Variants in NRG1 observed in about 807,000 individuals in gnomAD.
The protein encoded by NRG1 is neuregulin 1.
Under a neutral mutation model 63.8 loss-of-function variants are expected in NRG1, and 18 were observed. The observed-to-expected ratio is 0.28, with a 90% CI of 0.19 to 0.42. The LOEUF (loss-of-function observed/expected upper bound fraction) is 0.42. NRG1 is among the 10% of genes least tolerant of loss of function. The pLI, the probability that NRG1 is intolerant of heterozygous loss-of-function variation, is 1.00. For missense variants in NRG1, 762 were observed against 814.7 expected, an observed-to-expected ratio of 0.94 and a Z score of 0.79; for synonymous variants, 302 against 301.3, an observed-to-expected ratio of 1.00 and a Z score of -0.02.
chr8:32,101,981 A>G (rs1440626050), intron 1 of NRG1, among the ~76,000 whole-genome samples: 1 of 152,130 alleles, frequency 6.6e-6, no homozygotes. Context: ...GCTTTTTTAG[A>G]GAAGGGCTTT....
intron 1 of NRG1, among the ~76,000 whole-genome samples, chr8:32,303,176 T>A (rs1586717558): frequency 7.2e-5 from 3 of 41,720 alleles, no homozygotes; most frequent in Admixed American, 9.2e-4. Flanking sequence ...GAAGAGAAAC[T>A]CAGTCTCCAA....
intron 1 of NRG1, among the ~76,000 whole-genome samples, chr8:31,813,516 C>CTTTTCTT: frequency 0.018 from 1,823 of 101,128 alleles, 47 homozygotes; most frequent in African/African-American, 0.061. Context: ...CTTTTCTTTT[C>CTTTTCTT]TTTTTTTTTT....
chr8:32,294,332 G>A (rs1186329620), intron 1 of NRG1, among the ~76,000 whole-genome samples: 1 of 152,162 alleles, frequency 6.6e-6, no homozygotes, highest in African/African-American at 2.4e-5. Context: ...GCTGGTCATG[G>A]TGGTCAGATT....
chr8:32,199,352 A>G (rs1217923584), intron 1 of NRG1, among the ~76,000 whole-genome samples: 3 of 152,070 alleles, frequency 2.0e-5, no homozygotes, highest in South Asian at 4.1e-4. Context: ...TTCCAGCTAG[A>G]TACTTTCTAT....
At chr8:31,953,648 C>A (rs891223838) in intron 1 of NRG1, among the ~76,000 whole-genome samples, 2 of 152,112 alleles carry the variant, frequency 1.3e-5, no homozygotes, top group Non-Finnish European at 2.9e-5. Flanking sequence ...GTCTACTTGG[C>A]AATATATAAA....
At chr8:32,602,396 A>G (rs1844534167) in intron 2 of NRG1, among the ~76,000 whole-genome samples, 1 of 152,092 alleles carries the variant, frequency 6.6e-6, no homozygotes, top group Non-Finnish European at 1.5e-5. Context: ...AAATATGATT[A>G]CCATGTTTTC....
chr8:32,471,182 T>A (rs1823802243), intron 1 of NRG1, among the ~76,000 whole-genome samples: 2 of 152,198 alleles, frequency 1.3e-5, no homozygotes, highest in African/African-American at 4.8e-5. Flanking sequence ...AGACACTAAT[T>A]CTGTTTCAGT....
At chr8:31,817,183 G>C (rs1823534342) in intron 1 of NRG1, among the ~76,000 whole-genome samples, 1 of 152,216 alleles carries the variant, frequency 6.6e-6, no homozygotes, top group South Asian at 2.1e-4. Flanking sequence ...CAATGAAACT[G>C]TGTAGGAGGA....
chr8:32,735,854 T>A (rs185265265), intron 6 of NRG1, among the ~76,000 whole-genome samples: 4 of 152,330 alleles, frequency 2.6e-5, no homozygotes, highest in Non-Finnish European at 5.9e-5. Context: ...ATTGGGATTA[T>A]ATGTCCTGGA....
At chr8:32,048,446 C>CATATATATATATATATATAT (rs869311093) in intron 1 of NRG1, among the ~76,000 whole-genome samples, 3 of 6,712 alleles carry the variant, frequency 4.5e-4, no homozygotes, top group African/African-American at 5.0e-4. Context: ...TATATACATA[C>CATATATATATATATATATAT]ATATATATAT....
intron 1 of NRG1, among the ~76,000 whole-genome samples, chr8:32,539,495 T>C (rs1407067104): frequency 1.3e-5 from 2 of 152,116 alleles, no homozygotes; most frequent in South Asian, 2.1e-4. Flanking sequence ...AAAAGGAAGA[T>C]GTAAAGAGAA....
intron 1 of NRG1, among the ~76,000 whole-genome samples, chr8:32,395,095 T>C (rs1310485086): frequency 6.6e-6 from 1 of 152,194 alleles, no homozygotes. Context: ...TGTAATACTT[T>C]CTAAATAATG....
chr8:31,753,154 A>G (rs1435805590), intron 1 of NRG1, among the ~76,000 whole-genome samples: 6 of 152,018 alleles, frequency 3.9e-5, no homozygotes, highest in Non-Finnish European at 7.4e-5. Flanking sequence ...TCTCAGTATT[A>G]TTTTTTACAT....
At chr8:31,693,622 T>C (rs1809759020) in intron 1 of NRG1, among the ~76,000 whole-genome samples, 1 of 152,234 alleles carries the variant, frequency 6.6e-6, no homozygotes, top group African/African-American at 2.4e-5. Context: ...TAGGTGCTGC[T>C]TGGGCAGGGA....
At chr8:32,274,400 T>C (rs1851870756) in intron 1 of NRG1, among the ~76,000 whole-genome samples, 2 of 152,176 alleles carry the variant, frequency 1.3e-5, no homozygotes, top group South Asian at 4.1e-4. Context: ...GAGAAAAGAT[T>C]TTCTTCTAAT....
intron 1 of NRG1, among the ~76,000 whole-genome samples, chr8:32,498,394 G>A (rs530136516): frequency 4.6e-5 from 7 of 152,264 alleles, no homozygotes; most frequent in Non-Finnish European, 8.8e-5. Context: ...TCTGCAGGGC[G>A]TGGAGGCCTC....
At chr8:32,288,576 C>CA (rs1195454527) in intron 1 of NRG1, among the ~76,000 whole-genome samples, 3 of 152,096 alleles carry the variant, frequency 2.0e-5, no homozygotes, top group Non-Finnish European at 4.4e-5. Flanking sequence ...TTCCAGGTCT[C>CA]ATAATTCCTT....
At chr8:32,299,007 C>T (rs1281327078) in intron 1 of NRG1, among the ~76,000 whole-genome samples, 1 of 68,572 alleles carries the variant, frequency 1.5e-5, no homozygotes, top group Non-Finnish European at 2.6e-5. Flanking sequence ...AGCCTGGGGA[C>T]AAAGTTAGAC....
Position 32,233,536 on chromosome 8 carries a change from AATAT to A in NRG1, c.38-362267_38-362264del, listed in dbSNP as rs71541806. On this transcript the variant is annotated intron_variant, in intron 1 of 10. Transcript: ENST00000519301. ...CACACTGTTGCTCATAACTCGAAAGAATATATATATATATATATATATATATATT... is the reference window on the plus strand; with the variant it reads ...CACACTGTTGCTCATAACTCGAAAGAATATATATATATATATATATATATT... 6.0e-3 allele frequency among the ~76,000 whole-genome samples: 526 copies of A among 88,080 alleles called. 3 individuals carry two copies. Among genetic ancestry groups the A allele is most frequent in the African/African-American group, 0.02 (513 of 25,332 alleles). 57.8% of individuals were successfully genotyped at this position (88,080 alleles called of 152,430 possible).
Sources: gnomAD v4.1 joint callset for allele counts (sites outside exome capture counted in the v4.1 genomes callset) on GRCh38, gnomAD v4.1.1 for gene constraint, MANE v1.5 for transcripts, NCBI Gene and HGNC (gene_info 2026-07-23, HGNC 2026-07-21) for gene names.